DIS3L2: variants seen among roughly 807,000 people sequenced by gnomAD.
The protein encoded by DIS3L2 is DIS3 like 3'-5' exoribonuclease 2.
In DIS3L2, 34 loss-of-function variants were observed where a neutral mutation model predicts 97.5. That is an observed-to-expected ratio of 0.35 (90% CI 0.27 to 0.46). The LOEUF (loss-of-function observed/expected upper bound fraction) is 0.46. Among genes scored for constraint, DIS3L2 ranks in the 20% least tolerant of loss-of-function variants. The pLI is 1.00. For missense variants in DIS3L2, 1,038 were observed against 1,146.0 expected (o/e 0.91, Z 1.36); for synonymous variants, 435 against 445.2 (o/e 0.98, Z 0.29).
At chr2:232,086,004 G>A (rs1407719095) in intron 5 of DIS3L2, among the ~76,000 whole-genome samples, 2 of 151,934 alleles carry the variant, frequency 1.3e-5, no homozygotes, top group Admixed American at 1.3e-4. Context: ...TTAGAGGCAA[G>A]GTCTCAATAT....
intron 9 of DIS3L2, among the ~76,000 whole-genome samples, chr2:232,197,665 TTAAGA>T (rs1482534632): frequency 6.6e-6 from 1 of 152,086 alleles, no homozygotes; most frequent in Non-Finnish European, 1.5e-5. Flanking sequence ...TTTTTAAATC[TTAAGA>T]TAAAGTCTGG....
intron 6 of DIS3L2, among the ~76,000 whole-genome samples, chr2:232,105,367 T>C (rs1697330925): frequency 6.6e-6 from 1 of 152,184 alleles, no homozygotes; most frequent in Non-Finnish European, 1.5e-5. Flanking sequence ...AATACTTGGT[T>C]ATTAGGGGGG....
intron 10 of DIS3L2, among the ~76,000 whole-genome samples, chr2:232,213,571 C>T (rs1414246278): frequency 6.6e-6 from 1 of 151,028 alleles, no homozygotes; most frequent in African/African-American, 2.4e-5. Flanking sequence ...GAGGTAGTTA[C>T]CAGTTCATGT....
chr2:232,045,014 G>C (rs73995071), intron 5 of DIS3L2, among the ~76,000 whole-genome samples: 1 of 152,114 alleles, frequency 6.6e-6, no homozygotes, highest in Non-Finnish European at 1.5e-5. Context: ...TGAGAAAATC[G>C]GTCTAGTGGA....
At chr2:232,316,677 T>C (rs1695285056) in intron 14 of DIS3L2, among the ~76,000 whole-genome samples, 1 of 152,226 alleles carries the variant, frequency 6.6e-6, no homozygotes, top group African/African-American at 2.4e-5. Context: ...CAGGCCCTGC[T>C]TCTGCCTATT....
Position 232,334,378 on chromosome 2 carries a change from A to G in DIS3L2, c.2168A>G (p.Glu723Gly). ...RLLAAALGYR[E>G]RLDMAPDTLQ... ...CACCCCCTCTTCCCAGGCTATAGGGAGCGACTAGACATGGCGCCCGATACC... is the reference window on the plus strand; with the variant it reads ...CACCCCCTCTTCCCAGGCTATAGGGGGCGACTAGACATGGCGCCCGATACC... Residue 723 changes from glutamate (E) to glycine (G), a missense_variant, in exon 18 of 21, where the codon GAG (glutamate) becomes GGG (glycine). Glu to Gly is a moderately conservative substitution (Grantham distance 98). Coordinates refer to ENST00000325385, the MANE Select transcript of DIS3L2 (RefSeq NM_152383.5). 3 of 1,613,150 alleles carry G rather than the reference A, an allele frequency of 1.9e-6. No individual in the cohort carries two copies. The highest frequency in any genetic ancestry group is 2.5e-6 in the Non-Finnish European group (3 of 1,179,866).
chr2:232,112,240 A>G (rs533689197), intron 6 of DIS3L2, among the ~76,000 whole-genome samples: 19 of 152,186 alleles, frequency 1.2e-4, no homozygotes, highest in South Asian at 2.1e-4. Context: ...GGACAAATCA[A>G]TTTTCTTCTT....
At chr2:232,190,589 A>G (rs1037559527) in intron 9 of DIS3L2, among the ~76,000 whole-genome samples, 1 of 151,884 alleles carries the variant, frequency 6.6e-6, no homozygotes, top group Non-Finnish European at 1.5e-5. Context: ...GAAGAGAGAG[A>G]GAGGAAGAGA....
At chr2:232,116,605 G>A (rs1206529323) in intron 6 of DIS3L2, among the ~76,000 whole-genome samples, 3 of 152,154 alleles carry the variant, frequency 2.0e-5, no homozygotes, top group Non-Finnish European at 4.4e-5. Flanking sequence ...TTGGAGTAAT[G>A]ATGGTTATAA....
chr2:232,318,594 G>A (rs1404093083), intron 14 of DIS3L2, among the ~76,000 whole-genome samples: 1 of 152,180 alleles, frequency 6.6e-6, no homozygotes, highest in Non-Finnish European at 1.5e-5. Context: ...TCTCAGTGTT[G>A]TGAGCACCCC....
At chr2:232,085,792 G>A (rs924350820) in intron 5 of DIS3L2, among the ~76,000 whole-genome samples, 3 of 151,874 alleles carry the variant, frequency 2.0e-5, no homozygotes, top group Admixed American at 6.6e-5. Context: ...TATCTGGATT[G>A]GTTTTTTATT....
At chr2:232,212,868 G>T (rs544545390) in intron 10 of DIS3L2, among the ~76,000 whole-genome samples, 1 of 152,270 alleles carries the variant, frequency 6.6e-6, no homozygotes, top group East Asian at 1.9e-4. Context: ...GAATGTTGGG[G>T]TTGAGGGAGA....
chr2:232,340,900 AAAC>A (rs1282053981), downstream of DIS3L2: 1 of 471,116 alleles, frequency 2.1e-6, no homozygotes, highest in Non-Finnish European at 4.4e-6. Flanking sequence ...ATGAAACAAA[AAAC>A]AAGCTCCGTG....
intron 3 of DIS3L2, among the ~76,000 whole-genome samples, chr2:232,018,890 T>A (rs1336450532): frequency 6.6e-6 from 1 of 152,050 alleles, no homozygotes; most frequent in Non-Finnish European, 1.5e-5. Flanking sequence ...TAAAAAAAAA[T>A]AATAAATTCT....
In DIS3L2 at chr2:232,237,895, T is replaced by C. The variant is rs1038012942; in HGVS notation, c.1205-638T>C. ...TCTAAATGGCTTGAGGGAAGATCTG[T>C]TCAGGAAATGGAAAGAGGTTTCCCA... On this transcript the variant is annotated intron_variant, in intron 10 of 20. Coordinates refer to ENST00000325385, the MANE Select transcript of DIS3L2 (RefSeq NM_152383.5). Among the ~76,000 whole-genome samples the C allele has an allele frequency of 2.0e-5, 3 of 152,120 alleles. No homozygotes were observed. In the East Asian group the frequency reaches 5.8e-4, roughly 29 times the overall value.
chr2:231,973,825 A>G (rs1692994106), intron 1 of DIS3L2, among the ~76,000 whole-genome samples: 2 of 152,188 alleles, frequency 1.3e-5, no homozygotes. Context: ...TGTGAGTTTA[A>G]TGTGGAGAAC....
At chr2:232,070,598 T>C (rs1695986732) in intron 5 of DIS3L2, among the ~76,000 whole-genome samples, 1 of 151,794 alleles carries the variant, frequency 6.6e-6, no homozygotes, top group Admixed American at 6.6e-5. Context: ...TTTTTTTTTT[T>C]TTTTGAGATG....
intron 13 of DIS3L2, among the ~76,000 whole-genome samples, chr2:232,291,022 A>C (rs2106312336): frequency 6.6e-6 from 1 of 152,126 alleles, no homozygotes; most frequent in Non-Finnish European, 1.5e-5. Context: ...TCTCACTCTT[A>C]TTTTTTCCAG....
intron 1 of DIS3L2, among the ~76,000 whole-genome samples, chr2:231,987,360 G>T (rs1179266716): frequency 6.6e-6 from 1 of 152,218 alleles, no homozygotes. Flanking sequence ...GTATGGGTTT[G>T]CCAAGATTGC....
Sources: allele counts gnomAD v4.1 joint callset (sites outside exome capture counted in the v4.1 genomes callset), GRCh38; gene constraint gnomAD v4.1.1; transcripts MANE v1.5; gene names NCBI Gene and HGNC (gene_info 2026-07-23, HGNC 2026-07-21).